The following N4BP2L2 variants were observed in gnomAD, a reference collection of about 807,000 sequenced individuals.
N4BP2L2 encodes the protein NEDD4 binding protein 2 like 2, also known as NEDD4-binding protein 2-like 2.
N4BP2L2 carries 50 observed loss-of-function variants against 56.2 expected under a neutral mutation model. That is an observed-to-expected ratio of 0.89 (90% CI 0.71 to 1.13). N4BP2L2 has a LOEUF of 1.13. N4BP2L2 is among the 50% of genes most tolerant of loss of function. N4BP2L2 has a pLI of 0.00. For synonymous variants in N4BP2L2, 203 were observed against 223.6 expected, an observed-to-expected ratio of 0.91 and a Z score of 0.82; for missense variants, 689 against 693.8, an observed-to-expected ratio of 0.99 and a Z score of 0.08.
intron 6 of N4BP2L2, among the ~76,000 whole-genome samples, chr13:32,502,896 G>C (rs1217858219): frequency 6.6e-6 from 1 of 152,126 alleles, no homozygotes. Flanking sequence ...TATTTGGACA[G>C]ACATGGTGGC....
chr13:32,443,950 A>T, exon 7 of N4BP2L2: 1 of 1,600,204 alleles, frequency 6.2e-7, no homozygotes, highest in Non-Finnish European at 8.5e-7. Flanking sequence ...GGTCTTTTCA[A>T]TGTCTTCCTC....
chr13:32,488,331 C>G (rs1231186158), intron 6 of N4BP2L2, among the ~76,000 whole-genome samples: 1 of 152,120 alleles, frequency 6.6e-6, no homozygotes, highest in Admixed American at 6.6e-5. Flanking sequence ...ACTGCATGTT[C>G]TCACTTATAA....
At chr13:32,488,304 G>A (rs932131061) in intron 6 of N4BP2L2, among the ~76,000 whole-genome samples, 2 of 152,114 alleles carry the variant, frequency 1.3e-5, no homozygotes, top group Admixed American at 6.6e-5. Flanking sequence ...AATTAGTGCA[G>A]GAAGAGAAAA....
exon 2 of N4BP2L2, chr13:32,535,970 C>T (rs1310271123): frequency 6.2e-7 from 1 of 1,613,906 alleles, no homozygotes; most frequent in Non-Finnish European, 8.5e-7. Flanking sequence ...CATACTGCAG[C>T]CATTTCCAGA....
intron 6 of N4BP2L2, chr13:32,446,556 T>C: frequency 7.8e-7 from 1 of 1,275,422 alleles, no homozygotes; most frequent in Non-Finnish European, 1.0e-6. Context: ...GGTAAAATAC[T>C]AATGACGTAA....
At chr13:32,438,600 AAACAAC>A in intron 8 of N4BP2L2, 5 of 1,422,762 alleles carry the variant, frequency 3.5e-6, no homozygotes, top group Admixed American at 1.9e-5. Flanking sequence ...ACTCCGTCTC[AAACAAC>A]AACAACAACA....
intron 2 of N4BP2L2, among the ~76,000 whole-genome samples, chr13:32,534,646 T>C (rs532644860): frequency 1.3e-5 from 2 of 152,228 alleles, no homozygotes; most frequent in African/African-American, 4.8e-5. Context: ...TCACAGTTTA[T>C]AATCTAGCTT....
chr13:32,506,023 G>A (rs1257812558), downstream of N4BP2L2: 1 of 152,104 alleles, frequency 6.6e-6, no homozygotes, highest in East Asian at 1.9e-4. Flanking sequence ...ATCCATATAA[G>A]TTTACTAGGG....
At chr13:32,538,540 TA>T in intron 1 of N4BP2L2, 77 bp downstream of exon 1, 1 of 825,504 alleles carries the variant, frequency 1.2e-6, no homozygotes, top group Non-Finnish European at 1.5e-6. Context: ...ACAGCTAATC[TA>T]AACAGTCCAG....
intron 6 of N4BP2L2, among the ~76,000 whole-genome samples, chr13:32,491,635 AT>A (rs3075001): frequency 0.011 from 1,487 of 132,428 alleles, 25 homozygotes; most frequent in African/African-American, 0.038. Flanking sequence ...ATATATATAT[AT>A]TTTTTTTTTT....
At chr13:32,434,734 C>T (rs1411878240) in intron 9 of N4BP2L2, among the ~76,000 whole-genome samples, 1 of 152,132 alleles carries the variant, frequency 6.6e-6, no homozygotes, top group African/African-American at 2.4e-5. Context: ...CTGGTCAGTA[C>T]TTAATGCCAA....
At position 32,482,456 on chromosome 13, in the gene N4BP2L2, G is replaced by A. The variant is rs207648; in HGVS notation, c.365+35401C>T. ...GGCTCACCTCAATCTCTGCCTCCTG[G>A]GTTCAAGTGATCCTCCCACTTCAGC... is the stretch of plus-strand genomic sequence containing the variant. On this transcript the variant is annotated intron_variant, in intron 6 of 9. Transcript: ENST00000357505. Among the ~76,000 whole-genome samples the A allele has an allele frequency of 9.9e-3, 1,503 of 152,230 alleles. 9 individuals carry two copies. Among genetic ancestry groups the A allele is most frequent in the Non-Finnish European group, 0.017 (1,146 of 68,012 alleles).
At chr13:32,435,017 C>T (rs1157291521) in intron 9 of N4BP2L2, among the ~76,000 whole-genome samples, 2 of 152,102 alleles carry the variant, frequency 1.3e-5, no homozygotes, top group Admixed American at 6.5e-5. Context: ...CTGCATGCTG[C>T]TTGTACTGGT....
chr13:32,442,264 G>A (rs973956211), intron 7 of N4BP2L2: 6 of 876,430 alleles, frequency 6.8e-6, no homozygotes, highest in Non-Finnish European at 1.0e-5. Context: ...CTCACTCACT[G>A]CTGAAAAGCA....
chr13:32,528,767 T>A (rs2053818530), intron 2 of N4BP2L2, among the ~76,000 whole-genome samples: 1 of 152,152 alleles, frequency 6.6e-6, no homozygotes, highest in African/African-American at 2.4e-5. Context: ...CCTGGAATGA[T>A]TCAAGCTTAC....
At chr13:32,485,097 AT>A (rs2085584539) in intron 6 of N4BP2L2, among the ~76,000 whole-genome samples, 1 of 152,214 alleles carries the variant, frequency 6.6e-6, no homozygotes, top group Non-Finnish European at 1.5e-5. Context: ...TTCACTAGAA[AT>A]ATGTCATTTG....
intron 6 of N4BP2L2, among the ~76,000 whole-genome samples, chr13:32,445,407 C>T (rs1446985619): frequency 6.6e-6 from 1 of 152,138 alleles, no homozygotes; most frequent in Admixed American, 6.6e-5. Context: ...TACATAAAAC[C>T]TACCAGTAAA....
At chr13:32,465,646 T>C (rs530671665) in intron 6 of N4BP2L2, among the ~76,000 whole-genome samples, 2 of 152,280 alleles carry the variant, frequency 1.3e-5, no homozygotes, top group African/African-American at 2.4e-5. Context: ...GGAAAATGCA[T>C]ATTTATTTTA....
downstream of N4BP2L2, among the ~76,000 whole-genome samples, chr13:32,509,835 T>C (rs1210464069): frequency 6.6e-6 from 1 of 152,068 alleles, no homozygotes; most frequent in Non-Finnish European, 1.5e-5. Context: ...AAACAAAAAC[T>C]CCAACTCTAA....
Sources: gnomAD v4.1 joint callset for allele counts (sites outside exome capture counted in the v4.1 genomes callset) on GRCh38, gnomAD v4.1.1 for gene constraint, MANE v1.5 for transcripts, NCBI Gene and HGNC (gene_info 2026-07-23, HGNC 2026-07-21) for gene names.